CSMD3: variants seen among roughly 807,000 people sequenced by gnomAD.
CSMD3 encodes the protein CUB and Sushi multiple domains 3.
In CSMD3, 177 loss-of-function variants were observed where a neutral mutation model predicts 435.2. The ratio of observed to expected loss-of-function variants is 0.41; its 90% CI spans 0.36 to 0.46. CSMD3 has a LOEUF of 0.46. Among genes scored for constraint, CSMD3 ranks in the 20% least tolerant of loss-of-function variants. The probability of loss-of-function intolerance (pLI) is 0.34; values close to 1 mark genes in which losing one functional copy is unlikely to be tolerated. For missense variants in CSMD3, 4,265 were observed against 4,504.6 expected (o/e 0.95, Z 1.52); for synonymous variants, 1,656 against 1,520.5 (o/e 1.09, Z -2.07).
intron 3 of CSMD3, among the ~76,000 whole-genome samples, chr8:113,224,116 C>G (rs1200223041): frequency 6.6e-6 from 1 of 151,120 alleles, no homozygotes; most frequent in African/African-American, 2.4e-5. Context: ...CAAAAATTTC[C>G]CAAGAAGTCT....
rs183960747 is a variant in CSMD3, at chr8:112,634,783, T to G, written c.3715+2034A>C. On this transcript the variant is annotated intron_variant, in intron 22 of 70. Coordinates refer to ENST00000297405, the MANE Select transcript of CSMD3 (RefSeq NM_198123.2). ...TCAACCTATGTAACGGCCTGGCATG[T>G]ATTCGGTTACTCTGAGAGAAAATGT... Among the ~76,000 whole-genome samples the G allele has an allele frequency of 1.3e-3, 191 of 152,026 alleles. 1 individual carries two copies. Among genetic ancestry groups the G allele is most frequent in the African/African-American group, 4.1e-3 (169 of 41,532 alleles).
chr8:112,891,231 T>C (rs2081779295), intron 10 of CSMD3, among the ~76,000 whole-genome samples: 2 of 151,520 alleles, frequency 1.3e-5, no homozygotes, highest in Admixed American at 1.3e-4. Context: ...AAATGCGAAG[T>C]CTAGGTTCTT....
intron 4 of CSMD3, among the ~76,000 whole-genome samples, chr8:113,139,090 A>G (rs1247703114): frequency 1.3e-5 from 2 of 151,016 alleles, no homozygotes; most frequent in Non-Finnish European, 3.0e-5. Context: ...GTTGGAAAAC[A>G]AACAAAAAAA....
intron 65 of CSMD3, 81 bp from the exon 66 acceptor site, chr8:112,241,866 A>G: frequency 1.1e-6 from 1 of 872,518 alleles, no homozygotes; most frequent in South Asian, 1.3e-5. Context: ...ACGCACACAC[A>G]CACACAGTGT....
At chr8:112,602,597 A>C (rs1832452951) in intron 22 of CSMD3, among the ~76,000 whole-genome samples, 1 of 151,100 alleles carries the variant, frequency 6.6e-6, no homozygotes, top group Non-Finnish European at 1.5e-5. Context: ...AGAAAAGAAA[A>C]TTAGTGTCTA....
intron 5 of CSMD3, among the ~76,000 whole-genome samples, chr8:113,024,993 C>G (rs2086821454): frequency 6.6e-6 from 1 of 151,822 alleles, no homozygotes; most frequent in South Asian, 2.1e-4. Flanking sequence ...GTCTTTCTGT[C>G]TCTGAGTTGT....
intron 40 of CSMD3, among the ~76,000 whole-genome samples, chr8:112,349,517 A>T (rs1825958900): frequency 6.6e-6 from 1 of 152,098 alleles, no homozygotes; most frequent in Admixed American, 6.6e-5. Flanking sequence ...GCAGAAAAAA[A>T]CATATTTATT....
intron 13 of CSMD3, among the ~76,000 whole-genome samples, chr8:112,788,975 C>T (rs1448618942): frequency 6.6e-6 from 1 of 152,052 alleles, no homozygotes; most frequent in African/African-American, 2.4e-5. Context: ...TTCTGAGAGG[C>T]AGATGGAAAT....
intron 3 of CSMD3, among the ~76,000 whole-genome samples, chr8:113,235,276 C>T (rs1057108461): frequency 2.0e-5 from 3 of 152,190 alleles, no homozygotes; most frequent in South Asian, 2.1e-4. Flanking sequence ...CCCTCCCTAC[C>T]TTCCTGTACC....
At chr8:112,471,498 T>C (rs1357139075) in intron 32 of CSMD3, among the ~76,000 whole-genome samples, 7 of 152,184 alleles carry the variant, frequency 4.6e-5, no homozygotes, top group Admixed American at 6.5e-5. Context: ...ACAGACACTT[T>C]GCTAATGCTG....
chr8:113,320,879 T>C (rs1280752874), intron 1 of CSMD3, among the ~76,000 whole-genome samples: 4 of 152,142 alleles, frequency 2.6e-5, no homozygotes, highest in African/African-American at 7.2e-5. Context: ...CATTTATCTG[T>C]TTCCACCCTT....
At chr8:113,416,018 G>A (rs1388203381) in intron 1 of CSMD3, among the ~76,000 whole-genome samples, 1 of 151,886 alleles carries the variant, frequency 6.6e-6, no homozygotes, top group Non-Finnish European at 1.5e-5. Flanking sequence ...ACATTTCACA[G>A]GATTTTAAAA....
intron 5 of CSMD3, among the ~76,000 whole-genome samples, chr8:113,051,349 T>C (rs1281947253): frequency 2.0e-5 from 3 of 152,106 alleles, no homozygotes; most frequent in African/African-American, 7.2e-5. Context: ...CTTGCTGATA[T>C]CTCCAAAATT....
chr8:112,267,781 C>T lies in CSMD3; in HGVS notation c.9509-2191G>A, dbSNP rs547197782. ...TCATGGCACCACCATGAATGAAATG[C>T]GTGACAACAAAAGCTTTAGAAGGGT... On this transcript the variant is annotated intron_variant, in intron 59 of 70. Coordinates refer to ENST00000297405, the MANE Select transcript of CSMD3 (RefSeq NM_198123.2). Among the ~76,000 whole-genome samples the T allele has an allele frequency of 1.0e-3, 156 of 152,116 alleles. 2 individuals carry two copies. The highest frequency in any genetic ancestry group is 8.1e-3 in the South Asian group (39 of 4,814).
At chr8:112,812,742 C>T (rs971971764) in intron 12 of CSMD3, among the ~76,000 whole-genome samples, 8 of 152,126 alleles carry the variant, frequency 5.3e-5, no homozygotes, top group African/African-American at 1.9e-4. Context: ...TTAAAAAATG[C>T]TTCTTTAATA....
intron 3 of CSMD3, among the ~76,000 whole-genome samples, chr8:113,269,541 A>G (rs531698702): frequency 3.6e-4 from 55 of 152,240 alleles, no homozygotes; most frequent in African/African-American, 1.1e-3. Flanking sequence ...GAGGCATCAC[A>G]CTACCTGACT....
intron 5 of CSMD3, among the ~76,000 whole-genome samples, chr8:113,070,183 G>A (rs920607578): frequency 3.3e-5 from 5 of 152,022 alleles, no homozygotes; most frequent in Non-Finnish European, 5.9e-5. Context: ...TTTCTACCAC[G>A]TATGCTTTTT....
chr8:113,419,023 T>C (rs1252892327), intron 1 of CSMD3, among the ~76,000 whole-genome samples: 1 of 152,112 alleles, frequency 6.6e-6, no homozygotes, highest in Non-Finnish European at 1.5e-5. Context: ...ATGGAGTTCA[T>C]TGGATGGGAG....
intron 27 of CSMD3, among the ~76,000 whole-genome samples, chr8:112,541,393 A>G (rs909437863): frequency 1.3e-5 from 2 of 151,842 alleles, no homozygotes; most frequent in African/African-American, 4.8e-5. Context: ...GAAAAATGAG[A>G]TAAGACTAAA....
Sources: gnomAD v4.1 joint callset for allele counts (sites outside exome capture counted in the v4.1 genomes callset) on GRCh38, gnomAD v4.1.1 for gene constraint, MANE v1.5 for transcripts, NCBI Gene and HGNC (gene_info 2026-07-23, HGNC 2026-07-21) for gene names.